Variants in BBS9 observed in about 807,000 individuals in gnomAD.
The protein encoded by BBS9 is protein PTHB1.
BBS9 carries 89 observed loss-of-function variants against 117.7 expected under a neutral mutation model. The ratio of observed to expected loss-of-function variants is 0.76; its 90% CI spans 0.64 to 0.90. The LOEUF (loss-of-function observed/expected upper bound fraction) is 0.90, where lower values mean the gene tolerates loss of function less well. Ranked by LOEUF, BBS9 falls within the 40% of genes least tolerant of loss-of-function variation. BBS9 has a pLI of 0.00. For synonymous variants in BBS9, 379 were observed against 370.9 expected (o/e 1.02, Z -0.25); for missense variants, 982 against 1,042.2 (o/e 0.94, Z 0.80).
chr7:33,560,609 G>A (rs1585258675), intron 21 of BBS9, among the ~76,000 whole-genome samples: 1 of 152,160 alleles, frequency 6.6e-6, no homozygotes, highest in Non-Finnish European at 1.5e-5. Flanking sequence ...TGCTTCAGTG[G>A]ATGTACCAAG....
chr7:33,351,951 A>T (rs914099823), intron 14 of BBS9: 13 of 155,272 alleles, frequency 8.4e-5, no homozygotes, highest in Non-Finnish European at 1.7e-4. Context: ...TCAATTGGGA[A>T]AGGGCAGGCA....
intron 17 of BBS9, among the ~76,000 whole-genome samples, chr7:33,382,893 G>A (rs930475186): frequency 6.6e-6 from 1 of 152,098 alleles, no homozygotes; most frequent in Admixed American, 6.6e-5. Context: ...TTGATCTTTG[G>A]CAAGTCTGTG....
chr7:33,291,804 A>T (rs1033001257), intron 9 of BBS9, among the ~76,000 whole-genome samples: 7 of 152,202 alleles, frequency 4.6e-5, no homozygotes, highest in African/African-American at 1.4e-4. Context: ...TGTAGCATGG[A>T]AACAAGGCCT....
chr7:33,209,247 CA>C (rs1461133397), intron 5 of BBS9, among the ~76,000 whole-genome samples: 3 of 152,178 alleles, frequency 2.0e-5, no homozygotes, highest in Admixed American at 6.5e-5. Flanking sequence ...CCTTCAGTTA[CA>C]TTCATGTTGT....
intron 5 of BBS9, among the ~76,000 whole-genome samples, chr7:33,254,953 T>C (rs1427843634): frequency 6.6e-6 from 1 of 152,210 alleles, no homozygotes; most frequent in African/African-American, 2.4e-5. Flanking sequence ...GATTTGTATG[T>C]CTTATTTGGA....
Position 33,183,238 on chromosome 7 carries a change from T to C in BBS9, c.442+5647T>C, listed in dbSNP as rs574767837. Among the ~76,000 whole-genome samples, 22 of 152,298 alleles carry C rather than the reference T, an allele frequency of 1.4e-4. No homozygotes were observed. The East Asian group carries it at 2.9e-3, about 20-fold the overall frequency. On this transcript the variant is annotated intron_variant, in intron 5 of 22. Coordinates refer to ENST00000242067, the MANE Select transcript of BBS9 (RefSeq NM_198428.3). ...GGAGTCTGCAGCACCTCCTCTGTTTTTCCCAAGGTGTCCCAAGCTGTTAAA... is the reference window on the plus strand; with the variant it reads ...GGAGTCTGCAGCACCTCCTCTGTTTCTCCCAAGGTGTCCCAAGCTGTTAAA...
At position 33,180,834 on chromosome 7, in the gene BBS9, A is replaced by T. The variant is rs149289035; in HGVS notation, c.442+3243A>T. Among the ~76,000 whole-genome samples, 39 of 152,218 alleles carry T rather than the reference A, an allele frequency of 2.6e-4. 1 individual carries two copies. In the East Asian group the frequency reaches 6.6e-3, roughly 26 times the overall value. The stretch of plus-strand genomic sequence containing the variant: ...GTAGCCTCAGGGTGAGAGACTGGGG[A>T]TCCACCTGGTGTGACAAATAAACCC... On this transcript the variant is annotated intron_variant, in intron 5 of 22. Transcript: ENST00000242067.
chr7:33,460,942 G>C (rs1031109198), intron 19 of BBS9, among the ~76,000 whole-genome samples: 1 of 151,842 alleles, frequency 6.6e-6, no homozygotes, highest in African/African-American at 2.4e-5. Context: ...CTCTCTCTAT[G>C]GATTTATCTT....
intron 17 of BBS9, among the ~76,000 whole-genome samples, chr7:33,373,701 T>C (rs1208883374): frequency 6.6e-6 from 1 of 152,188 alleles, no homozygotes; most frequent in South Asian, 2.1e-4. Context: ...AGGTAACTAA[T>C]ACATCGGATG....
chr7:33,459,715 C>T (rs1029060603), intron 19 of BBS9, among the ~76,000 whole-genome samples: 5 of 152,134 alleles, frequency 3.3e-5, no homozygotes, highest in African/African-American at 1.2e-4. Context: ...AGCCATTTCT[C>T]CAAGGAGCCC....
At chr7:33,448,317 GTTTTCCAGATCGTGTC>G (rs1481576045) in intron 19 of BBS9, among the ~76,000 whole-genome samples, 6 of 152,110 alleles carry the variant, frequency 3.9e-5, no homozygotes, top group Non-Finnish European at 8.8e-5. Context: ...GCTTGGGTTG[GTTTTCCAGATCGTGTC>G]TTTTCCTGTC....
chr7:33,517,548 G>A (rs189204155), intron 20 of BBS9, among the ~76,000 whole-genome samples: 37 of 152,282 alleles, frequency 2.4e-4, no homozygotes, highest in African/African-American at 3.6e-4. Context: ...GTGAGCACCC[G>A]TTGCCGCTCA....
At chr7:33,381,812 T>C (rs1044066356) in intron 17 of BBS9, among the ~76,000 whole-genome samples, 24 of 152,076 alleles carry the variant, frequency 1.6e-4, no homozygotes, top group Non-Finnish European at 1.9e-4. Flanking sequence ...TTTGCATGGA[T>C]TGTGACAGGC....
intron 9 of BBS9, among the ~76,000 whole-genome samples, chr7:33,324,485 C>T (rs1412026992): frequency 1.3e-5 from 2 of 152,156 alleles, no homozygotes; most frequent in Admixed American, 1.3e-4. Context: ...TCTTCTTACT[C>T]AAGATAGTTT....
intron 9 of BBS9, among the ~76,000 whole-genome samples, chr7:33,274,994 CAAA>C (rs763041758): frequency 0.016 from 949 of 58,628 alleles, 3 homozygotes; most frequent in South Asian, 0.086. Context: ...GACTGTGTCT[CAAA>C]AAAAAAAAAA....
intron 21 of BBS9, among the ~76,000 whole-genome samples, chr7:33,562,516 A>G (rs1856237848): frequency 6.6e-6 from 1 of 152,234 alleles, no homozygotes; most frequent in Non-Finnish European, 1.5e-5. Flanking sequence ...CCGCTAGGTC[A>G]AGGAGGTGCC....
chr7:33,583,488 G>C (rs1860357875), intron 21 of BBS9, among the ~76,000 whole-genome samples: 1 of 151,700 alleles, frequency 6.6e-6, no homozygotes, highest in South Asian at 2.1e-4. Flanking sequence ...GTTTTTGTTT[G>C]TTTATTTATT....
chr7:33,423,347 C>T (rs1833149846), intron 19 of BBS9, among the ~76,000 whole-genome samples: 1 of 151,860 alleles, frequency 6.6e-6, no homozygotes, highest in Non-Finnish European at 1.5e-5. Flanking sequence ...GTTCTTCAAG[C>T]ACAAAATCAA....
intron 9 of BBS9, among the ~76,000 whole-genome samples, chr7:33,294,367 A>G (rs1358070220): frequency 7.1e-6 from 1 of 141,572 alleles, no homozygotes. Flanking sequence ...TTGTCCATCC[A>G]TCCATCCATC....
Sources: gnomAD v4.1 joint callset for allele counts (sites outside exome capture counted in the v4.1 genomes callset) on GRCh38, gnomAD v4.1.1 for gene constraint, MANE v1.5 for transcripts, NCBI Gene and HGNC (gene_info 2026-07-23, HGNC 2026-07-21) for gene names.